LPP: variants seen among roughly 807,000 people sequenced by gnomAD.
The protein encoded by LPP is lipoma-preferred partner.
A neutral mutation model predicts 60.4 loss-of-function variants in LPP; 38 were observed. The ratio of observed to expected loss-of-function variants is 0.63; its 90% CI spans 0.49 to 0.83. LPP has a LOEUF of 0.83. LPP is among the 40% of genes least tolerant of loss of function. The pLI, the probability that LPP is intolerant of heterozygous loss-of-function variation, is 0.00. For missense variants in LPP, 902 were observed against 783.6 expected (o/e 1.15, Z -1.80); for synonymous variants, 328 against 290.8 (o/e 1.13, Z -1.30).
chr3:188,360,293 A>C (rs981426561), intron 3 of LPP, among the ~76,000 whole-genome samples: 26 of 152,206 alleles, frequency 1.7e-4, no homozygotes, highest in Admixed American at 1.4e-3. Context: ...GATGATCCTG[A>C]AACTGTCATT....
chr3:188,706,260 G>C (rs1176576873), intron 7 of LPP, among the ~76,000 whole-genome samples: 1 of 152,140 alleles, frequency 6.6e-6, no homozygotes, highest in Non-Finnish European at 1.5e-5. Flanking sequence ...GGGGCTCTCA[G>C]TTTCCCTGTC....
intron 3 of LPP, among the ~76,000 whole-genome samples, chr3:188,401,307 G>A (rs1356664944): frequency 6.6e-6 from 1 of 152,098 alleles, no homozygotes; most frequent in Non-Finnish European, 1.5e-5. Context: ...TCCCCTAACT[G>A]TTCTCCCTGA....
chr3:188,675,139 G>A (rs1490705410), intron 7 of LPP, among the ~76,000 whole-genome samples: 2 of 152,322 alleles, frequency 1.3e-5, no homozygotes, highest in East Asian at 1.9e-4. Flanking sequence ...CTGCTGGAAG[G>A]TAAATGAAAA....
intron 3 of LPP, among the ~76,000 whole-genome samples, chr3:188,356,971 C>T (rs1271233631): frequency 6.6e-6 from 1 of 152,136 alleles, no homozygotes; most frequent in Admixed American, 6.5e-5. Flanking sequence ...GGTGAATGCC[C>T]ACAACTTGAA....
chr3:188,258,630 C>G (rs1185920296), intron 2 of LPP, among the ~76,000 whole-genome samples: 2 of 152,180 alleles, frequency 1.3e-5, no homozygotes, highest in Non-Finnish European at 2.9e-5. Context: ...TCAGCCCTCA[C>G]CTTCCAGAGA....
At chr3:188,859,943 A>C (rs908020987) in intron 9 of LPP, among the ~76,000 whole-genome samples, 1 of 150,978 alleles carries the variant, frequency 6.6e-6, no homozygotes, top group Non-Finnish European at 1.5e-5. Flanking sequence ...GAAAAATCAC[A>C]GTCATAGGGG....
intron 4 of LPP, among the ~76,000 whole-genome samples, chr3:188,466,339 A>G (rs558022825): frequency 1.4e-3 from 209 of 152,242 alleles, no homozygotes; most frequent in African/African-American, 4.9e-3. Flanking sequence ...TTATGGCATC[A>G]GGAGGAGCTT....
intron 5 of LPP, among the ~76,000 whole-genome samples, chr3:188,510,901 C>CG (rs2150017814): frequency 1.3e-5 from 2 of 152,176 alleles, no homozygotes; most frequent in South Asian, 4.1e-4. Flanking sequence ...TCTCATTTTG[C>CG]TTTTTTCTCG....
At chr3:188,844,096 T>C (rs1577930780) in intron 9 of LPP, among the ~76,000 whole-genome samples, 1 of 152,342 alleles carries the variant, frequency 6.6e-6, no homozygotes, top group East Asian at 1.9e-4. Flanking sequence ...TACTTTATTA[T>C]GCTTTTTAAT....
At chr3:188,705,510 G>C (rs1033585051) in intron 7 of LPP, among the ~76,000 whole-genome samples, 2 of 152,040 alleles carry the variant, frequency 1.3e-5, no homozygotes, top group African/African-American at 4.8e-5. Flanking sequence ...CAAGTCACAT[G>C]TATGCAATTT....
chr3:188,457,521 G>T (rs568250823), intron 4 of LPP, among the ~76,000 whole-genome samples: 6 of 151,890 alleles, frequency 4.0e-5, no homozygotes, highest in Non-Finnish European at 7.4e-5. Context: ...TGGTCTAAGC[G>T]CTTGAAATGC....
At position 188,494,314 on chromosome 3, in the gene LPP, G is replaced by A. The variant is rs141586347; in HGVS notation, c.306+9610G>A. ...GAGGGCTGCAGGAGCTGTGGCCAGCGCTTATGTATATTGATCTCTAGTTGA... is the reference window on the plus strand; with the variant it reads ...GAGGGCTGCAGGAGCTGTGGCCAGCACTTATGTATATTGATCTCTAGTTGA... On this transcript the variant is annotated intron_variant, in intron 5 of 11. Transcript: ENST00000617246. Among the ~76,000 whole-genome samples the A allele has an allele frequency of 4.6e-3, 694 of 152,194 alleles. 8 individuals are homozygous for A. Among genetic ancestry groups the A allele is most frequent in the African/African-American group, 0.016 (666 of 41,512 alleles).
chr3:188,348,307 C>T (rs1472858009), intron 3 of LPP, among the ~76,000 whole-genome samples: 1 of 151,862 alleles, frequency 6.6e-6, no homozygotes, highest in Non-Finnish European at 1.5e-5. Flanking sequence ...CCACCACGCC[C>T]AGCTAATTTT....
At chr3:188,376,001 G>A (rs914382829) in intron 3 of LPP, among the ~76,000 whole-genome samples, 3 of 152,186 alleles carry the variant, frequency 2.0e-5, no homozygotes, top group Non-Finnish European at 2.9e-5. Flanking sequence ...CAGTTTTCAC[G>A]TAGTTGAGCT....
At chr3:188,533,227 C>T (rs1050044090) in intron 6 of LPP, among the ~76,000 whole-genome samples, 4 of 152,114 alleles carry the variant, frequency 2.6e-5, no homozygotes, top group Non-Finnish European at 2.9e-5. Context: ...AGCTTGCAAA[C>T]GCCATGAGGA....
intron 7 of LPP, among the ~76,000 whole-genome samples, chr3:188,642,443 C>T (rs1011018532): frequency 6.6e-6 from 1 of 152,166 alleles, no homozygotes; most frequent in Non-Finnish European, 1.5e-5. Flanking sequence ...CACACAGTGC[C>T]GGACTAAGAA....
chr3:188,859,962 T>C (rs1162245464), intron 9 of LPP, among the ~76,000 whole-genome samples: 1 of 142,896 alleles, frequency 7.0e-6, no homozygotes, highest in African/African-American at 2.5e-5. Flanking sequence ...GGTGGGATGC[T>C]GTTAAGCTTG....
At chr3:188,372,394 T>C (rs1342272211) in intron 3 of LPP, among the ~76,000 whole-genome samples, 1 of 152,168 alleles carries the variant, frequency 6.6e-6, no homozygotes, top group Non-Finnish European at 1.5e-5. Flanking sequence ...AAACACTTCA[T>C]GTCACTGTTA....
intron 1 of LPP, among the ~76,000 whole-genome samples, chr3:188,219,510 A>C (rs974325558): frequency 6.6e-6 from 1 of 152,200 alleles, no homozygotes; most frequent in Non-Finnish European, 1.5e-5. Flanking sequence ...CCAAGGGCGC[A>C]TTATTCCTGA....
Sources: allele counts gnomAD v4.1 joint callset (sites outside exome capture counted in the v4.1 genomes callset), GRCh38; gene constraint gnomAD v4.1.1; transcripts MANE v1.5; gene names NCBI Gene and HGNC (gene_info 2026-07-23, HGNC 2026-07-21).